Variants in PDZRN4 observed in about 807,000 individuals in gnomAD.
The protein encoded by PDZRN4 is PDZ domain-containing RING finger protein 4.
PDZRN4 carries 70 observed loss-of-function variants against 99.0 expected under a neutral mutation model. The ratio of observed to expected loss-of-function variants is 0.71; its 90% confidence interval spans 0.58 to 0.86. The LOEUF (loss-of-function observed/expected upper bound fraction) is 0.86. Among genes scored for constraint, PDZRN4 ranks in the 40% least tolerant of loss-of-function variants. The probability of loss-of-function intolerance (pLI) is 0.00; values close to 1 mark genes in which losing one functional copy is unlikely to be tolerated. For missense variants in PDZRN4, 1,474 were observed against 1,331.2 expected, an observed-to-expected ratio of 1.11 and a Z score of -1.67; for synonymous variants, 551 against 501.6, an observed-to-expected ratio of 1.10 and a Z score of -1.32.
In PDZRN4 at chr12:41,188,952, C is replaced by T; in HGVS notation, c.497C>T (p.Ala166Val). The T allele has an allele frequency of 6.9e-7, 1 of 1,453,808 alleles. No homozygotes were observed. Among genetic ancestry groups the T allele is most frequent in the Non-Finnish European group, 9.1e-7 (1 of 1,103,888 alleles). The allele number at this position is 1,453,808 out of a possible 1,614,324, so 90.1% of individuals were successfully genotyped here. Residue 166 changes from alanine to valine, a missense_variant, in exon 1 of 10, where the codon GCC becomes GTC. By Grantham distance (64) the Ala-to-Val change is moderately conservative. Coordinates refer to ENST00000402685, the MANE Select transcript of PDZRN4 (RefSeq NM_001164595.2). ...RGRGPGPRVL[A>V]WRRREKALLA... is the part of the protein sequence containing the mutation. ...CGGGGACCCGGGCCTCGGGTCCTCG[C>T]CTGGAGGCGGCGCGAGAAGGCGCTG...
Position 41,572,437 on chromosome 12 carries a change from G to A in PDZRN4, c.1658G>A (p.Ser553Asn), listed in dbSNP as rs764572398. The A allele has an allele frequency of 6.2e-7, 1 of 1,614,118 alleles. No individual in the cohort carries two copies. Among genetic ancestry groups the A allele is most frequent in the Non-Finnish European group, 8.5e-7 (1 of 1,179,986 alleles). Residue 553 changes from serine (S) to asparagine (N), a missense_variant, in exon 10 of 10, where the codon AGT (serine) becomes AAT (asparagine). Ser to Asn is a conservative substitution (Grantham distance 46). Transcript: ENST00000402685. ...TSSSNNHEKD[S>N]GVGRTDESLR... The stretch of plus-strand genomic sequence containing the variant: ...TCATCCAACAACCATGAGAAGGACA[G>A]TGGAGTAGGACGTACAGATGAAAGC...
chr12:41,223,041 GTGTTTGCCTTCTTTTAAA>G (rs1950968899), intron 3 of PDZRN4, among the ~76,000 whole-genome samples: 1 of 151,990 alleles, frequency 6.6e-6, no homozygotes, highest in African/African-American at 2.4e-5. Context: ...AGTAATTGCC[GTGTTTGCCTTCTTTTAAA>G]TGGCAAAGCT....
chr12:41,306,053 G>A (rs751939741), intron 3 of PDZRN4, among the ~76,000 whole-genome samples: 21 of 152,160 alleles, frequency 1.4e-4, no homozygotes, highest in Admixed American at 2.6e-4. Context: ...AAAATCAAAA[G>A]GAAGAATGGG....
chr12:41,289,830 G>A (rs1235549337), intron 3 of PDZRN4, among the ~76,000 whole-genome samples: 4 of 152,180 alleles, frequency 2.6e-5, no homozygotes, highest in Non-Finnish European at 4.4e-5. Context: ...TCCAGATTGG[G>A]GATAGTGAAG....
At chr12:41,228,282 A>G (rs536109000) in intron 3 of PDZRN4, among the ~76,000 whole-genome samples, 4 of 152,266 alleles carry the variant, frequency 2.6e-5, no homozygotes, top group African/African-American at 7.2e-5. Context: ...CATCATAATT[A>G]TCTTAAAGCA....
At chr12:41,437,422 A>G (rs1248084786) in intron 3 of PDZRN4, among the ~76,000 whole-genome samples, 1 of 152,188 alleles carries the variant, frequency 6.6e-6, no homozygotes, top group African/African-American at 2.4e-5. Context: ...AAAAGCTTAT[A>G]TCAATGGAGA....
intron 7 of PDZRN4, 44 bp downstream of exon 7, chr12:41,555,804 A>G (rs752684486): frequency 2.8e-6 from 4 of 1,425,252 alleles, no homozygotes; most frequent in South Asian, 2.3e-5. Flanking sequence ...CGATCTGTCC[A>G]AAGTTACTAT....
intron 3 of PDZRN4, among the ~76,000 whole-genome samples, chr12:41,410,674 A>T (rs1455424758): frequency 1.3e-5 from 2 of 152,142 alleles, no homozygotes; most frequent in Non-Finnish European, 2.9e-5. Flanking sequence ...TTAATTGGGA[A>T]TCCCACTCTG....
Position 41,322,819 on chromosome 12 carries a change from A to T in PDZRN4, c.843+128631A>T, listed in dbSNP as rs1951689111. 8.5e-5 allele frequency among the ~76,000 whole-genome samples: 13 copies of T among 152,062 alleles called. No individual in the cohort carries two copies. In the South Asian group the frequency reaches 2.7e-3, roughly 32 times the overall value. The stretch of plus-strand genomic sequence containing the variant: ...CAAAATTTTCTTAAAGTTATTGGAA[A>T]TATCTTCATTTAAAGGAATCTGAAT... On this transcript the variant is annotated intron_variant, in intron 3 of 9. Coordinates refer to ENST00000402685, the MANE Select transcript of PDZRN4 (RefSeq NM_001164595.2).
intron 3 of PDZRN4, among the ~76,000 whole-genome samples, chr12:41,333,193 A>T (rs759907658): frequency 6.6e-6 from 1 of 152,010 alleles, no homozygotes; most frequent in Non-Finnish European, 1.5e-5. Context: ...TTGCTCTGGG[A>T]CTATTTTGGT....
chr12:41,544,991 A>G lies in PDZRN4; in HGVS notation c.1204-7665A>G, dbSNP rs151109965. On this transcript the variant is annotated intron_variant, in intron 5 of 9. Transcript: ENST00000402685. ...TAATGATAACTGTGTTTAAGAACCG[A>G]TAGGACAATGACACTGCTTGCATTC... Among the ~76,000 whole-genome samples, 20 of 152,330 alleles carry G rather than the reference A, an allele frequency of 1.3e-4. No individual in the cohort carries two copies. The East Asian group carries it at 3.5e-3, about 26-fold the overall frequency.
At chr12:41,421,384 G>A (rs1158196382) in intron 3 of PDZRN4, among the ~76,000 whole-genome samples, 2 of 151,984 alleles carry the variant, frequency 1.3e-5, no homozygotes, top group Non-Finnish European at 2.9e-5. Context: ...GTAGAGATGG[G>A]GATTCACCAT....
chr12:41,275,130 A>G (rs80331615), intron 3 of PDZRN4, among the ~76,000 whole-genome samples: 2,192 of 152,248 alleles, frequency 0.014, 22 homozygotes, highest in Middle Eastern at 0.034. Flanking sequence ...AACTGATGCC[A>G]GAAGCAACTC....
At chr12:41,334,313 CAA>C (rs1442535041) in intron 3 of PDZRN4, among the ~76,000 whole-genome samples, 1 of 149,718 alleles carries the variant, frequency 6.7e-6, no homozygotes, top group Admixed American at 6.7e-5. Flanking sequence ...TCTTGAATAC[CAA>C]GAGTCCATCT....
intron 3 of PDZRN4, among the ~76,000 whole-genome samples, chr12:41,321,032 C>A (rs1335802300): frequency 6.6e-6 from 1 of 152,014 alleles, no homozygotes; most frequent in Non-Finnish European, 1.5e-5. Context: ...GATAATCATA[C>A]CCCTGAAACA....
intron 3 of PDZRN4, among the ~76,000 whole-genome samples, chr12:41,237,871 C>A (rs1951077387): frequency 1.3e-5 from 2 of 152,134 alleles, no homozygotes; most frequent in Admixed American, 6.5e-5. Context: ...GTTACTAAAG[C>A]CTTGTAGTAC....
At chr12:41,227,601 G>A (rs1004828614) in intron 3 of PDZRN4, among the ~76,000 whole-genome samples, 5 of 151,992 alleles carry the variant, frequency 3.3e-5, no homozygotes, top group Admixed American at 6.6e-5. Context: ...GGAGGTGGAG[G>A]TTGCAGTGTG....
At chr12:41,481,546 A>G (rs187973202) in intron 3 of PDZRN4, among the ~76,000 whole-genome samples, 11 of 152,226 alleles carry the variant, frequency 7.2e-5, no homozygotes, top group African/African-American at 2.4e-4. Context: ...TCCTTTTTGT[A>G]TGTGATTGAT....
intron 3 of PDZRN4, among the ~76,000 whole-genome samples, chr12:41,292,744 T>C (rs1951464493): frequency 6.6e-6 from 1 of 152,150 alleles, no homozygotes; most frequent in Admixed American, 6.5e-5. Flanking sequence ...TCTAAGGAAT[T>C]TGGAGAAGAA....
Sources: allele counts gnomAD v4.1 joint callset (sites outside exome capture counted in the v4.1 genomes callset), GRCh38; gene constraint gnomAD v4.1.1; transcripts MANE v1.5; gene names NCBI Gene and HGNC (gene_info 2026-07-23, HGNC 2026-07-21).